PDC: variants seen among roughly 807,000 people sequenced by gnomAD.
The protein encoded by PDC is phosducin.
Under a neutral mutation model 22.2 loss-of-function variants are expected in PDC, and 19 were observed. The ratio of observed to expected loss-of-function variants is 0.86; its 90% CI spans 0.60 to 1.26. PDC has a LOEUF of 1.26. Among genes scored for constraint, PDC ranks in the 50% most tolerant of loss-of-function variants. The pLI, the probability that PDC is intolerant of heterozygous loss-of-function variation, is 0.00. For synonymous variants in PDC, 97 were observed against 96.2 expected, an observed-to-expected ratio of 1.01 and a Z score of -0.05; for missense variants, 274 against 286.8, an observed-to-expected ratio of 0.96 and a Z score of 0.32.
intron 2 of PDC, 95 bp from the exon 3 acceptor site, chr1:186,446,672 C>T (rs1662235898): frequency 1.5e-6 from 1 of 671,174 alleles, no homozygotes; most frequent in Non-Finnish European, 2.4e-6. Context: ...ATGGAATAAA[C>T]TTATTGTCTC....
chr1:186,460,897 A>C (rs1638529734), intron 1 of PDC, among the ~76,000 whole-genome samples, 162 bp downstream of exon 1: 2 of 152,256 alleles, frequency 1.3e-5, no homozygotes, highest in African/African-American at 2.4e-5. Context: ...AGAGAGAAGG[A>C]TACGCTGTAT....
chr1:186,458,640 C>T (rs373032434), intron 1 of PDC, among the ~76,000 whole-genome samples: 2 of 151,156 alleles, frequency 1.3e-5, no homozygotes, highest in South Asian at 2.1e-4. Context: ...AACTCCAGTC[C>T]CCACAGGGTC....
At chr1:186,455,496 C>G (rs1662438331) in intron 1 of PDC, among the ~76,000 whole-genome samples, 1 of 152,088 alleles carries the variant, frequency 6.6e-6, no homozygotes, top group South Asian at 2.1e-4. Context: ...TCTTTAATTT[C>G]TAAAGCTTTG....
chr1:186,456,297 T>C (rs1463791944), intron 1 of PDC, among the ~76,000 whole-genome samples: 1 of 151,772 alleles, frequency 6.6e-6, no homozygotes, highest in East Asian at 1.9e-4. Flanking sequence ...AGAGAAAAAA[T>C]ATTTTTAGCA....
intron 2 of PDC, chr1:186,448,873 G>T (rs1449260638): frequency 6.5e-6 from 1 of 153,528 alleles, no homozygotes; most frequent in Non-Finnish European, 1.4e-5. Flanking sequence ...CTTAGGAGTG[G>T]CATATAGATA....
At chr1:186,449,211 A>T (rs1662297242) in intron 2 of PDC, among the ~76,000 whole-genome samples, 188 bp downstream of exon 2, 1 of 152,146 alleles carries the variant, frequency 6.6e-6, no homozygotes, top group South Asian at 2.1e-4. Flanking sequence ...TTTGACATCT[A>T]AATAAAACTG....
chr1:186,451,312 G>A (rs975377355), intron 1 of PDC: 1 of 152,070 alleles, frequency 6.6e-6, no homozygotes, highest in Non-Finnish European at 1.5e-5. Context: ...ACATTTGAAT[G>A]GATTTAGTAA....
intron 1 of PDC, among the ~76,000 whole-genome samples, chr1:186,459,782 T>TATATATATA (rs1662544269): frequency 2.6e-5 from 2 of 75,854 alleles, no homozygotes; most frequent in Admixed American, 1.4e-4. Flanking sequence ...ATATATATAT[T>TATATATATA]TAAAATGGAC....
intron 1 of PDC, chr1:186,451,508 A>T (rs1362037100): frequency 2.6e-5 from 4 of 152,188 alleles, no homozygotes; most frequent in Admixed American, 2.6e-4. Flanking sequence ...TTCAGTTCCC[A>T]GAAAAATAGA....
chr1:186,444,758 T>C lies in PDC; in HGVS notation c.214-252A>G, dbSNP rs900385200. 4.6e-5 allele frequency among the ~76,000 whole-genome samples: 7 copies of C among 152,318 alleles called. No individual in the cohort carries two copies. The East Asian group carries it at 1.2e-3, about 25-fold the overall frequency. On this transcript the variant is annotated intron_variant, in intron 3 of 3. Transcript: ENST00000391997. ...TCTTTATGCTGGTTTATTTTCTTTATAGCAACAAACACTATTATATCTTAT... is the reference window on the plus strand; with the variant it reads ...TCTTTATGCTGGTTTATTTTCTTTACAGCAACAAACACTATTATATCTTAT...
At chr1:186,448,511 C>G (rs1267102112) in intron 2 of PDC, 1 of 161,982 alleles carries the variant, frequency 6.2e-6, no homozygotes, top group Non-Finnish European at 1.3e-5. Context: ...GACTTTTGTT[C>G]CTGGTGACCT....
rs181896762 is a variant in PDC, at chr1:186,443,843, G to A, written c.*136C>T. On this transcript the variant is annotated 3_prime_UTR_variant, in exon 4 of 4. Transcript: ENST00000391997. ...TAATACTAAGAAATGCTAATAACTC[G>A]ATTGTTGCATCAGTCATTTTTGTCA... 491 of 659,990 alleles carry A rather than the reference G, an allele frequency of 7.4e-4. 5 individuals carry two copies. The highest frequency in any genetic ancestry group is 1.3e-4 in the Admixed American group (5 of 38,728). The allele number at this position is 659,990 out of a possible 1,614,324, so 40.9% of individuals were successfully genotyped here. A position where few individuals can be genotyped will look rare whatever the true frequency, so the allele number is the denominator to read the frequency against.
Position 186,443,969 on chromosome 1 carries a change from T to C in PDC, c.*10A>G, listed in dbSNP as rs1662160976. ...AAAGGATAAACATGAGATATTGACATAGTGAATCTTCATTCAACATCTTCT... is the reference window on the plus strand; with the variant it reads ...AAAGGATAAACATGAGATATTGACACAGTGAATCTTCATTCAACATCTTCT... On this transcript the variant is annotated 3_prime_UTR_variant, in exon 4 of 4. Transcript: ENST00000391997. The C allele has an allele frequency of 1.3e-6, 2 of 1,580,636 alleles. No homozygotes were observed.
chr1:186,455,835 G>C lies in PDC; in HGVS notation c.-25+5224C>G, dbSNP rs1437203300. 1.5e-5 allele frequency among the ~76,000 whole-genome samples: 2 copies of C among 132,088 alleles called. 1 individual carries two copies. Among genetic ancestry groups the C allele is most frequent in the Non-Finnish European group, 3.2e-5 (2 of 61,686 alleles). 86.7% of individuals were successfully genotyped at this position (132,088 alleles called of 152,430 possible). A position where few individuals can be genotyped will look rare whatever the true frequency, so the allele number is the denominator to read the frequency against. On this transcript the variant is annotated intron_variant, in intron 1 of 3. Coordinates refer to ENST00000391997, the MANE Select transcript of PDC (RefSeq NM_002597.5). ...AAAAAAAAAAAAATTAGCCGGGCGTGGTGGCGGGTGCCTGTAGTTCCAGCT... is the reference window on the plus strand; with the variant it reads ...AAAAAAAAAAAAATTAGCCGGGCGTCGTGGCGGGTGCCTGTAGTTCCAGCT...
intron 1 of PDC, among the ~76,000 whole-genome samples, chr1:186,459,161 CAAAAAAA>C (rs1036791762): frequency 2.0e-5 from 3 of 151,454 alleles, no homozygotes; most frequent in African/African-American, 7.3e-5. Context: ...GACTCCAACT[CAAAAAAA>C]GAAAAAAAGA....
rs1475355533 is a variant in PDC at position 186,450,302 on chromosome 1, A to C, written c.-24-819T>G. On this transcript the variant is annotated intron_variant, in intron 1 of 3. Coordinates refer to ENST00000391997, the MANE Select transcript of PDC (RefSeq NM_002597.5). ...ACAACAGTAGCCACCAAGCAAATGG[A>C]AATAGCCAGTAGGTAAGCCTATAGT... 2.0e-5 allele frequency among the ~76,000 whole-genome samples: 3 copies of C among 152,146 alleles called. No individual in the cohort carries two copies. The East Asian group carries it at 5.8e-4, about 29-fold the overall frequency.
chr1:186,443,936 C>T lies in PDC; in HGVS notation c.*43G>A. On this transcript the variant is annotated 3_prime_UTR_variant, in exon 4 of 4. Transcript: ENST00000391997. ...TATAGATACTACCAAAACCATCATC[C>T]AATACCTAAAGGATAAACATGAGAT... 2 of 1,433,002 alleles carry T rather than the reference C, an allele frequency of 1.4e-6. No individual in the cohort carries two copies. Among genetic ancestry groups the T allele is most frequent in the Non-Finnish European group, 1.9e-6 (2 of 1,030,824 alleles). The allele number at this position is 1,433,002 out of a possible 1,614,324, so 88.8% of individuals were successfully genotyped here.
chr1:186,458,169 G>A (rs1453306475), intron 1 of PDC, among the ~76,000 whole-genome samples: 1 of 139,728 alleles, frequency 7.2e-6, no homozygotes, highest in African/African-American at 2.7e-5. Context: ...CTGAATTCTT[G>A]TTCCTAGTGA....
chr1:186,449,672 T>TAA, intron 1 of PDC, among the ~76,000 whole-genome samples, 189 bp from the exon 2 acceptor site: 1 of 152,298 alleles, frequency 6.6e-6, no homozygotes, highest in Admixed American at 6.5e-5. Flanking sequence ...GTCCGCAATG[T>TAA]AAAAGGACAT....
Sources: gnomAD v4.1 joint callset for allele counts (sites outside exome capture counted in the v4.1 genomes callset) on GRCh38, gnomAD v4.1.1 for gene constraint, MANE v1.5 for transcripts, NCBI Gene and HGNC (gene_info 2026-07-23, HGNC 2026-07-21) for gene names.